The following TRIM71 variants were observed in gnomAD, a reference collection of about 807,000 sequenced individuals.
TRIM71 encodes the protein tripartite motif containing 71.
In TRIM71, 9 loss-of-function variants were observed where a neutral mutation model predicts 61.2. That is an observed-to-expected ratio of 0.15 (90% CI 0.09 to 0.26). The LOEUF (loss-of-function observed/expected upper bound fraction) is 0.26. Among genes scored for constraint, TRIM71 ranks in the 10% least tolerant of loss-of-function variants. The pLI, the probability that TRIM71 is intolerant of heterozygous loss-of-function variation, is 1.00. For synonymous variants in TRIM71, 645 were observed against 553.2 expected (o/e 1.17, Z -2.33); for missense variants, 998 against 1,238.7 (o/e 0.81, Z 2.92).
At chr3:32,866,839 T>A (rs991462568) in intron 1 of TRIM71, among the ~76,000 whole-genome samples, 1 of 151,642 alleles carries the variant, frequency 6.6e-6, no homozygotes, top group Admixed American at 6.6e-5. Context: ...TGGAGAGGAG[T>A]AATGGCAACT....
chr3:32,820,406 A>T (rs1287258862), intron 1 of TRIM71, among the ~76,000 whole-genome samples: 1 of 152,222 alleles, frequency 6.6e-6, no homozygotes, highest in Non-Finnish European at 1.5e-5. Flanking sequence ...GGGGGCAGTT[A>T]TCTTTTTTTT....
intron 2 of TRIM71, among the ~76,000 whole-genome samples, chr3:32,874,581 G>A (rs1696834925): frequency 1.3e-5 from 2 of 151,994 alleles, no homozygotes. Flanking sequence ...GGAGTGCAGT[G>A]GCACGATCTC....
Position 32,818,579 on chromosome 3 carries a change from C to A in TRIM71, c.499C>A (p.Leu167Ile). ...GCGCGCGTCCGCCTCCGCGCCGCCA[C>A]TCCCGCAGGCGCCGCAGCCGCCCGC... is the stretch of plus-strand genomic sequence containing the variant. ...HPRASASAPP[L>I]PQAPQPPAPS... Residue 167 changes from leucine (L) to isoleucine (I), a missense_variant, in exon 1 of 4, where the codon CTC becomes ATC. Transcript: ENST00000383763. 1 of 1,289,274 alleles carries A rather than the reference C, an allele frequency of 7.8e-7. No homozygotes were observed. Among genetic ancestry groups the A allele is most frequent in the Non-Finnish European group, 9.7e-7 (1 of 1,027,022 alleles). The allele number at this position is 1,289,274 out of a possible 1,614,324, so 79.9% of individuals were successfully genotyped here. A position where few individuals can be genotyped will look rare whatever the true frequency, so the allele number is the denominator to read the frequency against.
At chr3:32,841,920 C>A (rs1696411472) in intron 1 of TRIM71, among the ~76,000 whole-genome samples, 1 of 152,142 alleles carries the variant, frequency 6.6e-6, no homozygotes, top group African/African-American at 2.4e-5. Flanking sequence ...CCCCGGCCTC[C>A]CAAAATGCAT....
intron 1 of TRIM71, among the ~76,000 whole-genome samples, chr3:32,842,117 C>CTT (rs1696413834): frequency 6.6e-6 from 1 of 152,244 alleles, no homozygotes; most frequent in African/African-American, 2.4e-5. Flanking sequence ...AAAGGAAACT[C>CTT]TCAGTGCTGG....
chr3:32,866,646 T>C (rs1054738276), intron 1 of TRIM71, among the ~76,000 whole-genome samples: 1 of 152,116 alleles, frequency 6.6e-6, no homozygotes, highest in Admixed American at 6.6e-5. Context: ...GCCGTGTCGA[T>C]GGAAAATAAT....
At chr3:32,877,945 G>C (rs1488042237) in intron 2 of TRIM71, among the ~76,000 whole-genome samples, 1 of 152,046 alleles carries the variant, frequency 6.6e-6, no homozygotes, top group Non-Finnish European at 1.5e-5. Context: ...CTCTTTTATA[G>C]TATCTCCAGT....
Position 32,891,935 on chromosome 3 carries a change from C to CT in TRIM71, c.*136dup, listed in dbSNP as rs373753231. ...ACAGTCTCAGGGAAATTTCTTTTTT[C>CT]TTTTTTTTTTTTAAAGAGAACAAGA... On this transcript the variant is annotated 3_prime_UTR_variant, in exon 4 of 4. Transcript: ENST00000383763. This position sits in a 1 kb window ranked among gnomAD's most constrained non-coding sequence, Gnocchi z 8.2. The CT allele has an allele frequency of 0.056, 56,430 of 1,007,384 alleles. 4 individuals are homozygous for CT. Among genetic ancestry groups the CT allele is most frequent in the South Asian group, 0.062 (2,751 of 44,666 alleles). The allele number at this position is 1,007,384 out of a possible 1,614,324, so 62.4% of individuals were successfully genotyped here. A position where few individuals can be genotyped will look rare whatever the true frequency, so the allele number is the denominator to read the frequency against.
At chr3:32,889,069 T>C (rs1696993959) in intron 3 of TRIM71, among the ~76,000 whole-genome samples, 1 of 152,228 alleles carries the variant, frequency 6.6e-6, no homozygotes, top group Non-Finnish European at 1.5e-5. Flanking sequence ...TTTTCTACTT[T>C]TTAACACCTA....
intron 2 of TRIM71, among the ~76,000 whole-genome samples, chr3:32,884,631 G>A (rs1696941551): frequency 6.6e-6 from 1 of 152,034 alleles, no homozygotes; most frequent in Non-Finnish European, 1.5e-5. Flanking sequence ...GGTAGAAGGA[G>A]GGAAGTGGAA....
At position 32,865,056 on chromosome 3, in the gene TRIM71, G is replaced by A. The variant is rs574088436; in HGVS notation, c.853-8762G>A. ...AAAACTCACTGTAGCAGGGCCAGGC[G>A]CAGTGGCTCACGCCTGTAATTCCAG... On this transcript the variant is annotated intron_variant, in intron 1 of 3. Transcript: ENST00000383763. Among the ~76,000 whole-genome samples, 11 of 152,194 alleles carry A rather than the reference G, an allele frequency of 7.2e-5. No individual in the cohort carries two copies. The East Asian group carries it at 1.2e-3, about 16-fold the overall frequency.
chr3:32,891,852 G>GTCTCTCTCTCTCTC lies in TRIM71; in HGVS notation c.*49_*62dup. 6.9e-7 allele frequency: 1 copy of GTCTCTCTCTCTCTC among 1,439,944 alleles called. No homozygotes were observed. The highest frequency in any genetic ancestry group is 2.1e-5 in the Admixed American group (1 of 46,830). The allele number at this position is 1,439,944 out of a possible 1,614,324, so 89.2% of individuals were successfully genotyped here. A position where few individuals can be genotyped will look rare whatever the true frequency, so the allele number is the denominator to read the frequency against. ...TTCTGTGTTTGGGGTGTGTGTGCGT[G>GTCTCTCTCTCTCTC]TCTCTCTCTCTCTCTCTCTCTTTCT... On this transcript the variant is annotated 3_prime_UTR_variant, in exon 4 of 4. Coordinates refer to ENST00000383763, the MANE Select transcript of TRIM71 (RefSeq NM_001039111.3). This position sits in a 1 kb window ranked among gnomAD's most constrained non-coding sequence, Gnocchi z 8.2.
At position 32,826,748 on chromosome 3, in the gene TRIM71, G is replaced by T. The variant is rs551699958; in HGVS notation, c.852+7816G>T. Among the ~76,000 whole-genome samples, 7 of 150,800 alleles carry T rather than the reference G, an allele frequency of 4.6e-5. No individual in the cohort carries two copies. In the South Asian group the frequency reaches 1.5e-3, roughly 32 times the overall value. On this transcript the variant is annotated intron_variant, in intron 1 of 3. Transcript: ENST00000383763. ...GGTGTGAGCCACCACACCCGGTCAG[G>T]TGAGTTTTGTGTTTTGTTTGTTTTT...
intron 1 of TRIM71, among the ~76,000 whole-genome samples, chr3:32,860,499 T>A (rs1696655343): frequency 6.8e-6 from 1 of 146,066 alleles, no homozygotes; most frequent in African/African-American, 2.5e-5. Flanking sequence ...TGAGGTATTT[T>A]GCCTTTTATG....
At chr3:32,821,918 C>T (rs140105261) in intron 1 of TRIM71, among the ~76,000 whole-genome samples, 2 of 152,168 alleles carry the variant, frequency 1.3e-5, no homozygotes, top group Non-Finnish European at 2.9e-5. Flanking sequence ...GGGGTATTCA[C>T]GGCCGCTCTG....
chr3:32,849,907 GCA>G (rs1696519132), intron 1 of TRIM71, among the ~76,000 whole-genome samples: 1 of 152,222 alleles, frequency 6.6e-6, no homozygotes, highest in Non-Finnish European at 1.5e-5. Context: ...CACAAGTTGT[GCA>G]CACAAATTGA....
intron 1 of TRIM71, among the ~76,000 whole-genome samples, chr3:32,844,733 A>T (rs1696453112): frequency 6.6e-6 from 1 of 152,154 alleles, no homozygotes; most frequent in African/African-American, 2.4e-5. Flanking sequence ...ATGAAGCTTT[A>T]ACTTAGCTGA....
chr3:32,872,966 G>A lies in TRIM71; in HGVS notation c.853-852G>A, dbSNP rs539188540. ...GTGCCCTGCTCTGTGGAGAGATACA[G>A]TAATGAGACTGGCCCAGTTTCTATG... On this transcript the variant is annotated intron_variant, in intron 1 of 3. Transcript: ENST00000383763. 5.3e-5 allele frequency among the ~76,000 whole-genome samples: 8 copies of A among 152,244 alleles called. No individual in the cohort carries two copies. The East Asian group carries it at 1.2e-3, about 22-fold the overall frequency.
rs1422113882 is a variant in TRIM71, at chr3:32,896,917, C to T, written c.*5106C>T. On this transcript the variant is annotated 3_prime_UTR_variant, in exon 4 of 4. Transcript: ENST00000383763. Reference sequence around the variant, plus strand: ...TGTTTCTAGCAGTCTGTGTAGTTGTCTTTCTTCAGAGGAAGATTTTTCACA... The same window carrying T: ...TGTTTCTAGCAGTCTGTGTAGTTGTTTTTCTTCAGAGGAAGATTTTTCACA... 1 of 152,044 alleles carries T rather than the reference C, an allele frequency of 6.6e-6. No individual in the cohort carries two copies. The highest frequency in any genetic ancestry group is 1.5e-5 in the Non-Finnish European group (1 of 68,012). The allele number at this position is 152,044 out of a possible 1,614,324, so 9.4% of individuals were successfully genotyped here. A position where few individuals can be genotyped will look rare whatever the true frequency, so the allele number is the denominator to read the frequency against.
Sources: gnomAD v4.1 joint callset for allele counts (sites outside exome capture counted in the v4.1 genomes callset) on GRCh38, gnomAD v4.1.1 for gene constraint, Gnocchi (gnomAD v3.1) non-coding constraint, MANE v1.5 for transcripts, NCBI Gene and HGNC (gene_info 2026-07-23, HGNC 2026-07-21) for gene names.